The following PHF14 variants were observed in gnomAD, a reference collection of about 807,000 sequenced individuals.
The protein encoded by PHF14 is PHD finger protein 14.
Under a neutral mutation model 117.9 loss-of-function variants are expected in PHF14, and 55 were observed. The ratio of observed to expected loss-of-function variants is 0.47; its 90% confidence interval spans 0.38 to 0.58. PHF14 has a LOEUF of 0.58. PHF14 is among the 20% of genes least tolerant of loss of function. The pLI is 0.00. For synonymous variants in PHF14, 409 were observed against 368.6 expected, an observed-to-expected ratio of 1.11 and a Z score of -1.26; for missense variants, 978 against 1,122.2, an observed-to-expected ratio of 0.87 and a Z score of 1.84.
At chr7:11,039,400 T>TA (rs1053254519) in intron 11 of PHF14, among the ~76,000 whole-genome samples, 1 of 152,088 alleles carries the variant, frequency 6.6e-6, no homozygotes, top group African/African-American at 2.4e-5. Flanking sequence ...TCGTAGTTAT[T>TA]AAAAAAAACT....
intron 5 of PHF14, among the ~76,000 whole-genome samples, chr7:11,020,378 A>G (rs1434331584): frequency 6.7e-6 from 1 of 149,004 alleles, no homozygotes; most frequent in East Asian, 2.0e-4. Context: ...TACCTGGCCA[A>G]TTTTTTCTTT....
chr7:11,061,735 A>G (rs1785228032), intron 14 of PHF14, 56 bp from the exon 15 acceptor site: 48 of 1,253,898 alleles, frequency 3.8e-5, no homozygotes, highest in Non-Finnish European at 5.0e-5. Context: ...TTATTAATTA[A>G]ACATTAGATA....
chr7:10,995,576 G>T (rs993861611), intron 4 of PHF14, among the ~76,000 whole-genome samples: 1 of 152,172 alleles, frequency 6.6e-6, no homozygotes, highest in East Asian at 1.9e-4. Flanking sequence ...TTGGGTGGTC[G>T]ATGGGACCGC....
At chr7:11,039,428 T>C (rs1252645595) in intron 11 of PHF14, among the ~76,000 whole-genome samples, 1 of 152,178 alleles carries the variant, frequency 6.6e-6, no homozygotes, top group Non-Finnish European at 1.5e-5. Context: ...TGAACACCTT[T>C]AGTCTGTTAA....
chr7:11,077,152 T>G (rs1282985660), intron 16 of PHF14, among the ~76,000 whole-genome samples: 1 of 152,118 alleles, frequency 6.6e-6, no homozygotes, highest in Admixed American at 6.6e-5. Context: ...ATCTATTTAC[T>G]AAATGCTTTT....
chr7:11,057,296 T>A (rs1460834099), intron 14 of PHF14, among the ~76,000 whole-genome samples: 1 of 152,170 alleles, frequency 6.6e-6, no homozygotes, highest in Non-Finnish European at 1.5e-5. Context: ...ACATTACATG[T>A]TTTTTAGTCC....
intron 4 of PHF14, among the ~76,000 whole-genome samples, chr7:10,993,420 G>T (rs575124623): frequency 5.3e-5 from 8 of 152,088 alleles, no homozygotes; most frequent in Non-Finnish European, 7.4e-5. Flanking sequence ...TTTTTTTGCT[G>T]CTAACACTCA....
At chr7:11,010,194 T>C (rs576843252) in intron 4 of PHF14, among the ~76,000 whole-genome samples, 54 of 152,012 alleles carry the variant, frequency 3.6e-4, no homozygotes, top group Non-Finnish European at 6.6e-4. Flanking sequence ...ATGGAGAAAA[T>C]AGATTGATGA....
At chr7:11,141,520 A>G (rs1046382398) in intron 17 of PHF14, among the ~76,000 whole-genome samples, 2 of 152,082 alleles carry the variant, frequency 1.3e-5, no homozygotes, top group Non-Finnish European at 2.9e-5. Flanking sequence ...TGTTTGTTAT[A>G]TGCAGAAAAA....
chr7:11,130,816 T>C lies in PHF14; in HGVS notation c.2772+19349T>C, dbSNP rs1186248369. On this transcript the variant is annotated intron_variant, in intron 17 of 17. Transcript: ENST00000634607. The surrounding 1 kb of genome is among the most constrained non-coding windows in gnomAD (Gnocchi z 4.2). Reference sequence around the variant, plus strand: ...TCACTGCCCTAAAGATCTCCTGTGCTCTGCCTATTCACCACTCCCTCTCTA... The same window carrying C: ...TCACTGCCCTAAAGATCTCCTGTGCCCTGCCTATTCACCACTCCCTCTCTA... Among the ~76,000 whole-genome samples, 1 of 151,994 alleles carries C rather than the reference T, an allele frequency of 6.6e-6. No individual in the cohort carries two copies. Among genetic ancestry groups the C allele is most frequent in the Non-Finnish European group, 1.5e-5 (1 of 67,928 alleles).
rs565237804 is a variant in PHF14, at chr7:11,036,015, A to G, written c.1602+229A>G. On this transcript the variant is annotated intron_variant, in intron 8 of 17. Coordinates refer to ENST00000634607, the MANE Select transcript of PHF14 (RefSeq NM_001007157.2). The stretch of plus-strand genomic sequence containing the variant: ...TATAAAGTAAATTTTCACATTGAAA[A>G]ATGTGACTGTGAGGAAATTACTCTA... 3.3e-5 allele frequency among the ~76,000 whole-genome samples: 5 copies of G among 152,324 alleles called. No homozygotes were observed. In the East Asian group the frequency reaches 9.6e-4, roughly 29 times the overall value.
In PHF14 at chr7:11,036,791, A is replaced by T. The variant is rs1378638742; in HGVS notation, c.1873+103A>T. The T allele has an allele frequency of 6.4e-6, 7 of 1,086,890 alleles. No individual in the cohort carries two copies. The East Asian group carries it at 1.8e-4, about 28-fold the overall frequency. 67.3% of individuals were successfully genotyped at this position (1,086,890 alleles called of 1,614,324 possible). A position where few individuals can be genotyped will look rare whatever the true frequency, so the allele number is the denominator to read the frequency against. ...TTTAGAAATTTATTAGCCATGCTGC[A>T]TATATCATAGAGGGATGTTTATTTT... On this transcript the variant is annotated intron_variant, in intron 9 of 17. Coordinates refer to ENST00000634607, the MANE Select transcript of PHF14 (RefSeq NM_001007157.2).
intron 6 of PHF14, among the ~76,000 whole-genome samples, chr7:11,025,705 G>A (rs2128319341): frequency 6.6e-6 from 1 of 152,328 alleles, no homozygotes; most frequent in East Asian, 1.9e-4. Flanking sequence ...TGAGGCAGGA[G>A]AATGGCGTGA....
intron 17 of PHF14, among the ~76,000 whole-genome samples, chr7:11,127,412 T>A (rs950893132): frequency 1.3e-5 from 2 of 152,096 alleles, no homozygotes; most frequent in Non-Finnish European, 2.9e-5. Context: ...TTTGGCTAGA[T>A]TCCTTTCTAG....
intron 16 of PHF14, chr7:11,107,236 T>C: frequency 1.0e-6 from 1 of 982,078 alleles, no homozygotes; most frequent in South Asian, 4.7e-5. Flanking sequence ...ACCTGACTAA[T>C]TGCTTGTTAT....
At chr7:11,017,107 C>T (rs913256752) in intron 5 of PHF14, among the ~76,000 whole-genome samples, 1 of 152,156 alleles carries the variant, frequency 6.6e-6, no homozygotes, top group Non-Finnish European at 1.5e-5. Context: ...CTTAGTACTC[C>T]ATTGTGTATT....
intron 13 of PHF14, among the ~76,000 whole-genome samples, chr7:11,046,253 T>C (rs547950999): frequency 6.6e-6 from 1 of 152,362 alleles, no homozygotes; most frequent in African/African-American, 2.4e-5. Flanking sequence ...ATACAAATGG[T>C]AAGGGCTTGA....
In PHF14 at chr7:10,978,089, A is replaced by T. The variant is rs377111466; in HGVS notation, c.112+3144A>T. On this transcript the variant is annotated intron_variant, in intron 2 of 17. Transcript: ENST00000634607. The stretch of plus-strand genomic sequence containing the variant: ...ATCTTGATCAAAAGTTAGTTTAGTT[A>T]GGCCATATTGCCAGGAAATAATTTA... Among the ~76,000 whole-genome samples, 17 of 152,308 alleles carry T rather than the reference A, an allele frequency of 1.1e-4. No individual in the cohort carries two copies. In the South Asian group the frequency reaches 2.9e-3, roughly 26 times the overall value.
Position 10,982,749 on chromosome 7 carries a change from C to T in PHF14, c.490C>T (p.Pro164Ser), listed in dbSNP as rs1485175601. The T allele has an allele frequency of 1.2e-6, 2 of 1,613,826 alleles. No individual in the cohort carries two copies. Among genetic ancestry groups the T allele is most frequent in the Non-Finnish European group, 8.5e-7 (1 of 1,179,824 alleles). ...ATSPPAVNTS[P>S]SVPTTTTATE... ...AAGTCCTCCTGCTGTTAACACATCC[C>T]CTTCTGTTCCCACTACGACAACCGC... Residue 164 changes from proline (P) to serine (S), a missense_variant, in exon 3 of 18, where the codon CCT (proline) becomes TCT (serine). This residue lies in a region of PHF14 where 414 missense variants were observed against 376.4 expected (regional missense o/e 1.10). Transcript: ENST00000634607.
Sources: allele counts gnomAD v4.1 joint callset (sites outside exome capture counted in the v4.1 genomes callset), GRCh38; gene constraint gnomAD v4.1.1; regional missense constraint gnomAD v4.1.1; non-coding constraint Gnocchi (gnomAD v3.1); transcripts MANE v1.5; gene names NCBI Gene and HGNC (gene_info 2026-07-23, HGNC 2026-07-21).